TSEN34: variants seen among roughly 807,000 people sequenced by gnomAD.
TSEN34 encodes the protein tRNA splicing endonuclease subunit 34.
TSEN34 carries 25 observed loss-of-function variants against 30.2 expected under a neutral mutation model. The ratio of observed to expected loss-of-function variants is 0.83; its 90% CI spans 0.60 to 1.16. The LOEUF is 1.16. TSEN34 is among the 50% of genes most tolerant of loss of function. The pLI is 0.00. For synonymous variants in TSEN34, 209 were observed against 177.4 expected, an observed-to-expected ratio of 1.18 and a Z score of -1.41; for missense variants, 475 against 411.9, an observed-to-expected ratio of 1.15 and a Z score of -1.33.
Position 54,191,447 on chromosome 19 carries a change from TG to T in TSEN34, c.89del (p.Gly30AlafsTer4). On this transcript the variant is annotated frameshift_variant, in exon 1 of 4. Transcript: ENST00000396388. LOFTEE classifies it high-confidence loss of function. Reference protein sequence around the residue: ...AVQALRERLGVGGRTVGALPR... With the variant: ...AVQALRERLGXGGRTVGALPR... ...CAGGCCCTCCGGGAGCGCCTGGGTGTGGGGGGCCGCACGGTAGGCGCCCTGC... is the reference window on the plus strand; with the variant it reads ...CAGGCCCTCCGGGAGCGCCTGGGTGTGGGGGCCGCACGGTAGGCGCCCTGC... 3 of 1,547,594 alleles carry T rather than the reference TG, an allele frequency of 1.9e-6. No homozygotes were observed. Among genetic ancestry groups the T allele is most frequent in the African/African-American group, 1.4e-5 (1 of 73,102 alleles).
At chr19:54,191,697 G>T (rs762436655) in intron 1 of TSEN34, 24 bp from the exon 2 acceptor site, 61 of 1,613,526 alleles carry the variant, frequency 3.8e-5, no homozygotes, top group Middle Eastern at 1.6e-4. Context: ...AAGCTTGGAG[G>T]TTCCAGCGAA....
Position 54,192,211 on chromosome 19 carries a change from G to A in TSEN34, c.583G>A (p.Val195Ile), listed in dbSNP as rs1291016949. 1.2e-6 allele frequency: 2 copies of A among 1,614,022 alleles called. No homozygotes were observed. Among genetic ancestry groups the A allele is most frequent in the Non-Finnish European group, 1.7e-6 (2 of 1,180,004 alleles). Residue 195 changes from valine (V) to isoleucine (I), a missense_variant, in exon 3 of 4, where the codon GTC becomes ATC. Coordinates refer to ENST00000396388, the MANE Select transcript of TSEN34 (RefSeq NM_001077446.4). Reference sequence around the variant, plus strand: ...GCTGGCCACTGCCAGGCCTCGACCGGTCAAGGCCAGGCCCCTGGACTGGCG... The same window carrying A: ...GCTGGCCACTGCCAGGCCTCGACCGATCAAGGCCAGGCCCCTGGACTGGCG... The part of the protein sequence containing the change: ...VQLATARPRP[V>I]KARPLDWRVQ...
chr19:54,190,547 G>A (rs2076629537), upstream of TSEN34: 1 of 1,254,190 alleles, frequency 8.0e-7, no homozygotes, highest in Admixed American at 4.1e-5. Flanking sequence ...CCCAACTGGG[G>A]TGCGCTGGCG....
upstream of TSEN34, chr19:54,190,530 G>A (rs574149177): frequency 6.7e-5 from 87 of 1,301,364 alleles, 2 homozygotes; most frequent in Middle Eastern, 1.6e-3. Flanking sequence ...TCGTAGGGCG[G>A]GAACTCCCCA....
At position 54,192,407 on chromosome 19, in the gene TSEN34, C is replaced by T. The variant is rs200372213; in HGVS notation, c.745+34C>T. 5.3e-4 allele frequency: 853 copies of T among 1,613,204 alleles called. 13 individuals are homozygous for T. The South Asian group carries it at 7.4e-3, about 14-fold the overall frequency. On this transcript the variant is annotated intron_variant, in intron 3 of 3. Transcript: ENST00000396388. ...GGGTTGGGGCCTCTGGTTGCTGTGC[C>T]TTTCCATACGATCCCAATGTATTCT...
At chr19:54,191,229 C>T, upstream of TSEN34, 1 of 1,435,596 alleles carries the variant, frequency 7.0e-7, no homozygotes, top group Non-Finnish European at 9.1e-7. Context: ...TGGTGAACGG[C>T]GGCTGAGCGA....
Position 54,193,968 on chromosome 19 carries a change from A to G in TSEN34, c.*606A>G. ...TAATCCCACAGAACTTTTGGAGGCC[A>G]AGGCAGGGGGATCGCTTGAGCCCAG... On this transcript the variant is annotated 3_prime_UTR_variant, in exon 4 of 4. Transcript: ENST00000396388. 7.5e-6 allele frequency: 3 copies of G among 401,792 alleles called. 1 individual carries two copies. In the East Asian group the frequency reaches 1.4e-4, roughly 18 times the overall value. 24.9% of individuals were successfully genotyped at this position (401,792 alleles called of 1,614,324 possible). A position where few individuals can be genotyped will look rare whatever the true frequency, so the allele number is the denominator to read the frequency against.
chr19:54,190,251 G>T, upstream of TSEN34: 2 of 1,019,110 alleles, frequency 2.0e-6, no homozygotes, highest in East Asian at 2.8e-5. Flanking sequence ...ACTTCCCGCG[G>T]CGCTGATGGG....
upstream of TSEN34, chr19:54,190,167 G>C (rs1196497898): frequency 1.4e-5 from 8 of 580,666 alleles, no homozygotes; most frequent in East Asian, 2.0e-4. Context: ...AGGGAGGTGC[G>C]CTCAGTGGGG....
chr19:54,190,903 G>A (rs2076650484), upstream of TSEN34: 2 of 1,049,622 alleles, frequency 1.9e-6, no homozygotes, highest in Non-Finnish European at 2.3e-6. Context: ...TTAGCCTCCA[G>A]AGCTTCTGAC....
Position 54,192,293 on chromosome 19 carries a change from G to C in TSEN34, c.665G>C (p.Ser222Thr). 6.2e-7 allele frequency: 1 copy of C among 1,614,172 alleles called. No homozygotes were observed. Among genetic ancestry groups the C allele is most frequent in the Non-Finnish European group, 8.5e-7 (1 of 1,180,030 alleles). ...CGCCCTGCCCACGAGCTGCGCTACA[G>C]TATCTACAGAGACCTGTGGGAGCGA... ...AGRPAHELRY[S>T]IYRDLWERGF... is the part of the protein sequence containing the mutation. Residue 222 changes from serine (S) to threonine (T), a missense_variant, in exon 3 of 4, where the codon AGT becomes ACT. Coordinates refer to ENST00000396388, the MANE Select transcript of TSEN34 (RefSeq NM_001077446.4).
chr19:54,191,217 G>A (rs563408855), upstream of TSEN34: 7,469 of 1,424,394 alleles, frequency 5.2e-3, 25 homozygotes, highest in South Asian at 6.3e-3. Context: ...GGGCCCAGCA[G>A]GTGGTGAACG....
upstream of TSEN34, chr19:54,189,904 C>T: frequency 4.0e-6 from 1 of 247,270 alleles, no homozygotes; most frequent in Non-Finnish European, 8.1e-6. Context: ...CCGATGTGGG[C>T]GGGGCCACAG....
chr19:54,190,174 G>A (rs1432760827), upstream of TSEN34: 8 of 588,096 alleles, frequency 1.4e-5, no homozygotes, highest in Non-Finnish European at 2.1e-5. Flanking sequence ...TGCGCTCAGT[G>A]GGGCGGAGCC....
At position 54,191,608 on chromosome 19, in the gene TSEN34, G is replaced by A. The variant is rs2076702908; in HGVS notation, c.243+1G>A. 36 of 1,604,102 alleles carry A rather than the reference G, an allele frequency of 2.2e-5. No individual in the cohort carries two copies. The highest frequency in any genetic ancestry group is 3.1e-5 in the Non-Finnish European group (36 of 1,179,314). ...TCCAGACTCTCGGCACCACAGCCTG[G>A]TAAGGGGGCGGGGCTCGAACTCGGG... On this transcript the variant is annotated splice_donor_variant, in intron 1 of 3. Transcript: ENST00000396388. LOFTEE classifies it high-confidence loss of function.
upstream of TSEN34, chr19:54,190,195 C>A: frequency 4.8e-6 from 3 of 622,162 alleles, no homozygotes; most frequent in South Asian, 5.4e-5. Context: ...AAGGTGGCCC[C>A]CGCGGGAGGA....
rs1413596700 is a variant in TSEN34, at chr19:54,193,112, G to A, written c.746-63G>A. On this transcript the variant is annotated intron_variant, in intron 3 of 3. Transcript: ENST00000396388. ...GATCTCAGATCTCCTCCCAGTGGTC[G>A]TTCCCGTGGCGTCCAGCCGTCTGCC... 86 of 1,609,206 alleles carry A rather than the reference G, an allele frequency of 5.3e-5. 1 individual carries two copies. In the South Asian group the frequency reaches 7.5e-4, roughly 14 times the overall value.
chr19:54,192,407 C>G, intron 3 of TSEN34, 34 bp downstream of exon 3: 1 of 1,613,208 alleles, frequency 6.2e-7, no homozygotes, highest in Non-Finnish European at 8.5e-7. Flanking sequence ...GTTGCTGTGC[C>G]TTTCCATACG....
chr19:54,193,421 C>T lies in TSEN34; in HGVS notation c.*59C>T. 2 of 1,608,486 alleles carry T rather than the reference C, an allele frequency of 1.2e-6. No homozygotes were observed. Among genetic ancestry groups the T allele is most frequent in the Non-Finnish European group, 1.7e-6 (2 of 1,177,592 alleles). On this transcript the variant is annotated 3_prime_UTR_variant, in exon 4 of 4. Coordinates refer to ENST00000396388, the MANE Select transcript of TSEN34 (RefSeq NM_001077446.4). ...CAGCAAGAGCCTTTCTGGATGTTCC[C>T]CAGCTCTTCTCTGGGAGTCTAGAAC...
Sources: gnomAD v4.1 joint callset for allele counts on GRCh38, gnomAD v4.1.1 for gene constraint, MANE v1.5 for transcripts, NCBI Gene and HGNC (gene_info 2026-07-23, HGNC 2026-07-21) for gene names.